The following FHOD3 variants were observed in gnomAD, a reference collection of about 807,000 sequenced individuals.
FHOD3 encodes FH1/FH2 domain-containing protein 3.
A neutral mutation model predicts 173.0 loss-of-function variants in FHOD3; 90 were observed. The observed-to-expected ratio is 0.52, with a 90% CI of 0.44 to 0.62. The LOEUF (loss-of-function observed/expected upper bound fraction) is 0.62, where lower values mean the gene tolerates loss of function less well. FHOD3 is among the 20% of genes least tolerant of loss of function. The pLI, the probability that FHOD3 is intolerant of heterozygous loss-of-function variation, is 0.00. For synonymous variants in FHOD3, 828 were observed against 823.0 expected (o/e 1.01, Z -0.10); for missense variants, 1,945 against 2,034.7 (o/e 0.96, Z 0.85).
At chr18:36,458,825 C>T (rs897465985) in intron 3 of FHOD3, among the ~76,000 whole-genome samples, 2 of 152,092 alleles carry the variant, frequency 1.3e-5, no homozygotes, top group African/African-American at 4.8e-5. Context: ...TTAGTACTTT[C>T]CAGCCTAGAA....
At chr18:36,691,341 C>T (rs1217389055) in intron 16 of FHOD3, among the ~76,000 whole-genome samples, 1 of 152,224 alleles carries the variant, frequency 6.6e-6, no homozygotes, top group African/African-American at 2.4e-5. Context: ...TGTCCAGATT[C>T]TCTTATTTGC....
intron 13 of FHOD3, among the ~76,000 whole-genome samples, chr18:36,656,041 C>T (rs923599334): frequency 6.6e-6 from 1 of 152,184 alleles, no homozygotes; most frequent in Non-Finnish European, 1.5e-5. Flanking sequence ...AGCATCCAGG[C>T]AGCTGCTGAC....
chr18:36,697,033 G>A (rs530478154), intron 17 of FHOD3, among the ~76,000 whole-genome samples: 1 of 152,256 alleles, frequency 6.6e-6, no homozygotes, highest in South Asian at 2.1e-4. Flanking sequence ...TGTCAGAAAA[G>A]GTACAGTGTT....
intron 2 of FHOD3, among the ~76,000 whole-genome samples, chr18:36,365,017 A>G (rs2046827814): frequency 6.6e-6 from 1 of 152,180 alleles, no homozygotes; most frequent in African/African-American, 2.4e-5. Context: ...GCTGTGTCCC[A>G]TCACAGGGTA....
chr18:36,761,225 A>G (rs28589587), intron 27 of FHOD3, among the ~76,000 whole-genome samples: 4 of 152,202 alleles, frequency 2.6e-5, no homozygotes, highest in African/African-American at 9.7e-5. Flanking sequence ...ACACAGGACA[A>G]GGTTGCCAAC....
At chr18:36,518,034 C>T (rs60715970) in intron 5 of FHOD3, among the ~76,000 whole-genome samples, 2,590 of 152,166 alleles carry the variant, frequency 0.017, 68 homozygotes, top group African/African-American at 0.06. Flanking sequence ...GGCAGTGGCA[C>T]AAAATGATCA....
intron 24 of FHOD3, 107 bp from the exon 25 acceptor site, chr18:36,755,012 A>ATTATT (rs1313048262): frequency 4.3e-6 from 1 of 231,260 alleles, no homozygotes; most frequent in Non-Finnish European, 7.8e-6. Context: ...TATTATTATT[A>ATTATT]TTATTTATTT....
intron 3 of FHOD3, among the ~76,000 whole-genome samples, chr18:36,395,558 T>A (rs1160138984): frequency 6.6e-6 from 1 of 152,194 alleles, no homozygotes; most frequent in African/African-American, 2.4e-5. Flanking sequence ...ATAATAATTC[T>A]AAGATGGTAT....
intron 6 of FHOD3, among the ~76,000 whole-genome samples, chr18:36,578,719 A>T (rs1189458381): frequency 2.0e-5 from 3 of 151,984 alleles, no homozygotes; most frequent in East Asian, 1.9e-4. Context: ...TTTAGGCTGT[A>T]TCTCCTTCTC....
intron 17 of FHOD3, among the ~76,000 whole-genome samples, chr18:36,703,444 T>C (rs1030328356): frequency 1.3e-5 from 2 of 152,088 alleles, no homozygotes; most frequent in Non-Finnish European, 2.9e-5. Flanking sequence ...TCTGGGCAAG[T>C]TGCTTAACCT....
At chr18:36,585,704 T>C (rs2059003744) in intron 6 of FHOD3, among the ~76,000 whole-genome samples, 1 of 151,374 alleles carries the variant, frequency 6.6e-6, no homozygotes, top group African/African-American at 2.4e-5. Flanking sequence ...TACAAAGACA[T>C]TATTTTTGTG....
At chr18:36,749,998 G>A (rs965691681) in intron 24 of FHOD3, among the ~76,000 whole-genome samples, 1 of 151,768 alleles carries the variant, frequency 6.6e-6, no homozygotes, top group Non-Finnish European at 1.5e-5. Flanking sequence ...TTTAAAAAGT[G>A]TCTGTTCGGG....
At chr18:36,715,865 T>C (rs1451429855) in intron 18 of FHOD3, among the ~76,000 whole-genome samples, 1 of 152,158 alleles carries the variant, frequency 6.6e-6, no homozygotes, top group African/African-American at 2.4e-5. Context: ...AAGGATAAAA[T>C]TGTGTGATTA....
At chr18:36,545,403 G>A (rs1395395591) in intron 5 of FHOD3, among the ~76,000 whole-genome samples, 3 of 152,346 alleles carry the variant, frequency 2.0e-5, no homozygotes, top group East Asian at 3.9e-4. Context: ...CAGGGTGGAC[G>A]AGGAAGACCT....
In FHOD3 at chr18:36,742,946, C is replaced by T. The variant is rs1339537144; in HGVS notation, c.3879+90C>T. ...CTGATGAAGGTTGTACCTCAGGTTC[C>T]CCAAAGCACAGTGGAACAAATGACT... On this transcript the variant is annotated intron_variant, in intron 22 of 28. Transcript: ENST00000590592. The T allele has an allele frequency of 4.0e-6, 6 of 1,488,094 alleles. No individual in the cohort carries two copies. In the African/African-American group the frequency reaches 5.6e-5, roughly 14 times the overall value. The allele number at this position is 1,488,094 out of a possible 1,614,324, so 92.2% of individuals were successfully genotyped here.
At chr18:36,406,089 G>GTTTTTTTTT (rs763484942) in intron 3 of FHOD3, among the ~76,000 whole-genome samples, 4 of 135,724 alleles carry the variant, frequency 2.9e-5, no homozygotes, top group Admixed American at 7.1e-5. Flanking sequence ...TTTTGTTTTT[G>GTTTTTTTTT]TTTTTGTTTT....
chr18:36,678,524 C>CAAAAAAAAAAAAAAAAAAAAAATA (rs2038013036), intron 14 of FHOD3, among the ~76,000 whole-genome samples: 1 of 71,154 alleles, frequency 1.4e-5, no homozygotes, highest in Non-Finnish European at 2.6e-5. Context: ...GACCCTGTCT[C>CAAAAAAAAAAAAAAAAAAAAAATA]AAAAAAAAAA....
At chr18:36,439,020 ATCT>A (rs1490887821) in intron 3 of FHOD3, among the ~76,000 whole-genome samples, 1 of 152,186 alleles carries the variant, frequency 6.6e-6, no homozygotes, top group Non-Finnish European at 1.5e-5. Flanking sequence ...AACAAAATTA[ATCT>A]ACTAGCATCT....
intron 5 of FHOD3, among the ~76,000 whole-genome samples, chr18:36,537,607 GAGA>G (rs936552590): frequency 6.6e-6 from 1 of 152,138 alleles, no homozygotes; most frequent in African/African-American, 2.4e-5. Context: ...ACCAGAAACA[GAGA>G]AGGACATTAC....
Sources: allele counts gnomAD v4.1 joint callset (sites outside exome capture counted in the v4.1 genomes callset), GRCh38; gene constraint gnomAD v4.1.1; transcripts MANE v1.5; gene names NCBI Gene and HGNC (gene_info 2026-07-23, HGNC 2026-07-21).